LBR: variants seen among roughly 807,000 people sequenced by gnomAD.
LBR encodes the protein lamin B receptor.
A neutral mutation model predicts 74.3 loss-of-function variants in LBR; 28 were observed. The ratio of observed to expected loss-of-function variants is 0.38; its 90% confidence interval spans 0.28 to 0.52. The LOEUF is 0.52. LBR is among the 20% of genes least tolerant of loss of function. The pLI is 0.89. For synonymous variants in LBR, 228 were observed against 269.3 expected (o/e 0.85, Z 1.50); for missense variants, 717 against 760.3 (o/e 0.94, Z 0.67).
At chr1:225,406,970 G>T (rs1428394772) in intron 10 of LBR, 138 bp from the exon 11 acceptor site, 1 of 781,130 alleles carries the variant, frequency 1.3e-6, no homozygotes, top group Admixed American at 2.2e-5. Context: ...AGGGGAGAGA[G>T]ATCTGGTTCC....
chr1:225,410,158 GTCC>G, intron 10 of LBR, 130 bp downstream of exon 10: 4 of 1,375,664 alleles, frequency 2.9e-6, no homozygotes, highest in Non-Finnish European at 4.1e-6. Context: ...GGATGGCCTC[GTCC>G]TCCTCTCAAG....
rs573539119 is a variant in LBR, at chr1:225,422,296, G to A, written c.166-19C>T. The A allele has an allele frequency of 1.9e-6, 3 of 1,599,986 alleles. No homozygotes were observed. The highest frequency in any genetic ancestry group is 2.7e-5 in the African/African-American group (2 of 74,698). ...TTAAAGGCTAGAAAGGGGGAAGAAG[G>A]CAAAGAGCTTTACCACAAATCATAA... On this transcript the variant is annotated intron_variant, in intron 2 of 13. Transcript: ENST00000272163.
intron 4 of LBR, 64 bp downstream of exon 4, chr1:225,419,651 A>G: frequency 1.7e-6 from 2 of 1,178,814 alleles, no homozygotes; most frequent in Admixed American, 3.8e-5. Flanking sequence ...CTCAAGGGAG[A>G]GTCACTTTTA....
In LBR at chr1:225,404,414, G is replaced by A. The variant is rs1285223143; in HGVS notation, c.1677C>T (p.Ser559=). The change falls in exon 13 of 14, where the codon TCC becomes TCT. Residue 559 remains serine (S), a synonymous_variant. Coordinates refer to ENST00000272163, the MANE Select transcript of LBR (RefSeq NM_002296.4). ...LGDLIMALAW[S]LPCGFNHILP... is the part of the protein sequence containing the mutation. ...TTCTGAAATGCTTACCACATGGGAGGGACCACGCCAAGGCCATGATGAGAT... is the reference window on the plus strand; with the variant it reads ...TTCTGAAATGCTTACCACATGGGAGAGACCACGCCAAGGCCATGATGAGAT... The A allele has an allele frequency of 3.7e-6, 6 of 1,613,918 alleles. No individual in the cohort carries two copies. The highest frequency in any genetic ancestry group is 5.1e-6 in the Non-Finnish European group (6 of 1,180,026).
intron 3 of LBR, among the ~76,000 whole-genome samples, chr1:225,420,083 G>A (rs1448998217): frequency 3.3e-5 from 5 of 152,090 alleles, no homozygotes; most frequent in African/African-American, 7.2e-5. Flanking sequence ...CAAGGCGGGT[G>A]GATCACCTGA....
intron 1 of LBR, among the ~76,000 whole-genome samples, chr1:225,427,003 G>GT (rs1446558199): frequency 6.6e-6 from 1 of 151,698 alleles, no homozygotes; most frequent in Non-Finnish European, 1.5e-5. Flanking sequence ...ACTACAATGC[G>GT]TAACTACAGA....
At chr1:225,407,577 G>A (rs1045093355) in intron 10 of LBR, among the ~76,000 whole-genome samples, 10 of 152,126 alleles carry the variant, frequency 6.6e-5, no homozygotes, top group Admixed American at 2.0e-4. Context: ...CCCAGGATAC[G>A]GGCAGGCCAG....
intron 7 of LBR, chr1:225,413,814 A>C (rs2096111172): frequency 1.4e-5 from 5 of 364,524 alleles, no homozygotes; most frequent in South Asian, 1.0e-4. Context: ...TAGATGAGGA[A>C]ATTTTTAAAA....
At chr1:225,410,945 G>A (rs2096103916) in intron 9 of LBR, among the ~76,000 whole-genome samples, 1 of 152,180 alleles carries the variant, frequency 6.6e-6, no homozygotes, top group Admixed American at 6.5e-5. Flanking sequence ...TTCCTCCAAG[G>A]TTAATGTTGT....
intron 3 of LBR, among the ~76,000 whole-genome samples, chr1:225,421,784 C>T (rs192425829): frequency 9.5e-4 from 144 of 152,308 alleles, no homozygotes; most frequent in African/African-American, 3.4e-3. Flanking sequence ...AACTTTTATA[C>T]ACTGTAAAAA....
chr1:225,418,245 G>A, intron 5 of LBR, 65 bp from the exon 6 acceptor site: 1 of 1,487,160 alleles, frequency 6.7e-7, no homozygotes, highest in Non-Finnish European at 9.2e-7. Context: ...TAAGAATCAT[G>A]TTAGATTTGT....
At position 225,406,823 on chromosome 1, in the gene LBR, A is replaced by G. The variant is rs61749338; in HGVS notation, c.1324T>C (p.Leu442=). The G allele has an allele frequency of 4.5e-5, 72 of 1,614,104 alleles. No individual in the cohort carries two copies. The East Asian group carries it at 1.4e-3, about 31-fold the overall frequency. The stretch of plus-strand genomic sequence containing the variant: ...TCGTGGATGATGTCCATGGTCGTCA[A>G]CAACGCTTCCTATAAGGATACAGAC... ...VDALWNEEAL[L]TTMDIIHDGF... is the part of the protein sequence containing the mutation. Residue 442 remains leucine, a synonymous_variant, in exon 11 of 14, where the codon TTG becomes CTG. Coordinates refer to ENST00000272163, the MANE Select transcript of LBR (RefSeq NM_002296.4).
chr1:225,410,300 G>C lies in LBR; in HGVS notation c.1305C>G (p.Leu435=), dbSNP rs1261328251. ...SFQLLYVVDA[L]WNEEALLTTM... ...TCTTAAAATTAATTACCTCATTCCA[G>C]AGAGCATCCACCACATAGAGAAGCT... is the stretch of plus-strand genomic sequence containing the variant. Residue 435 remains leucine, a synonymous_variant, in exon 10 of 14, where the codon CTC becomes CTG. Transcript: ENST00000272163. 6.2e-6 allele frequency: 10 copies of C among 1,613,974 alleles called. No homozygotes were observed. In the African/African-American group the frequency reaches 1.1e-4, roughly 17 times the overall value.
At chr1:225,419,501 TA>T (rs1558656413) in intron 4 of LBR, 49 bp from the exon 5 acceptor site, 1 of 1,284,838 alleles carries the variant, frequency 7.8e-7, no homozygotes, top group Middle Eastern at 2.4e-4. Flanking sequence ...CAATTACCAT[TA>T]ATGCTACTGC....
At chr1:225,414,262 T>C (rs1028590984) in intron 7 of LBR, 4 of 406,420 alleles carry the variant, frequency 9.8e-6, no homozygotes, top group Non-Finnish European at 2.0e-5. Context: ...TATCTTTGGC[T>C]TCCCCTTTAG....
intron 6 of LBR, among the ~76,000 whole-genome samples, chr1:225,416,199 G>GAA (rs767088477): frequency 1.0e-4 from 14 of 140,126 alleles, no homozygotes; most frequent in African/African-American, 3.5e-4. Context: ...CCTGTCTCAA[G>GAA]AAAAAAAAAA....
intron 6 of LBR, 129 bp downstream of exon 6, chr1:225,417,855 G>C: frequency 2.5e-6 from 2 of 802,200 alleles, no homozygotes; most frequent in South Asian, 3.0e-5. Context: ...GCATGGCACA[G>C]GCCTGTGGTC....
At chr1:225,419,113 C>T in intron 5 of LBR, 150 bp downstream of exon 5, 1 of 745,062 alleles carries the variant, frequency 1.3e-6, no homozygotes, top group Non-Finnish European at 2.4e-6. Context: ...ACCCACTGTT[C>T]CTTCTCTGGA....
chr1:225,406,599 C>T, intron 11 of LBR, 65 bp downstream of exon 11: 1 of 1,382,126 alleles, frequency 7.2e-7, no homozygotes, highest in Non-Finnish European at 1.0e-6. Context: ...ATGTAGACAG[C>T]AGGGCATAAA....
Sources: allele counts gnomAD v4.1 joint callset (sites outside exome capture counted in the v4.1 genomes callset), GRCh38; gene constraint gnomAD v4.1.1; transcripts MANE v1.5; gene names NCBI Gene and HGNC (gene_info 2026-07-23, HGNC 2026-07-21).